DNAH5: variants seen among roughly 807,000 people sequenced by gnomAD.
DNAH5 encodes axonemal beta dynein heavy chain 5.
A neutral mutation model predicts 518.2 loss-of-function variants in DNAH5; 372 were observed. The ratio of observed to expected loss-of-function variants is 0.72; its 90% CI spans 0.66 to 0.78. DNAH5 has a LOEUF of 0.78. Among genes scored for constraint, DNAH5 ranks in the 30% least tolerant of loss-of-function variants. The pLI is 0.00. For synonymous variants in DNAH5, 2,039 were observed against 2,025.9 expected (o/e 1.01, Z -0.17); for missense variants, 5,523 against 5,687.0 (o/e 0.97, Z 0.93).
At chr5:13,802,177 C>A (rs1004701466) in intron 47 of DNAH5, among the ~76,000 whole-genome samples, 4 of 152,128 alleles carry the variant, frequency 2.6e-5, no homozygotes, top group African/African-American at 9.7e-5. Context: ...GTCAGCATGA[C>A]AGCATCTTAT....
At chr5:13,759,013 T>C (rs756969327) in intron 60 of DNAH5, 30 bp from the exon 61 acceptor site, 11 of 1,613,660 alleles carry the variant, frequency 6.8e-6, no homozygotes, top group Admixed American at 1.7e-5. Flanking sequence ...AGTGAAGAGA[T>C]GGGCAGCCAA....
intron 31 of DNAH5, 120 bp downstream of exon 31, chr5:13,850,532 C>T: frequency 1.2e-6 from 1 of 801,794 alleles, no homozygotes; most frequent in Non-Finnish European, 2.1e-6. Flanking sequence ...ATCTGTGCAA[C>T]AGCTTTATAT....
Position 13,716,658 on chromosome 5 carries a change from T to G in DNAH5, c.12738A>C (p.Ile4246=), listed in dbSNP as rs763332586. The G allele has an allele frequency of 1.2e-6, 2 of 1,613,780 alleles. No homozygotes were observed. The highest frequency in any genetic ancestry group is 3.3e-5 in the Admixed American group (2 of 60,022). ...CTCTGCCTCCATATTGAATCTCTCC[T>G]ATCATGTAGCGGATGGTGGTCCAGG... The part of the protein sequence containing the change: ...GVSWTTIRYM[I]GEIQYGGRVT... Residue 4246 remains isoleucine, a synonymous_variant, in exon 74 of 79, where the codon ATA becomes ATC. Transcript: ENST00000265104.
In DNAH5 at chr5:13,911,390, A is replaced by T; in HGVS notation, c.1640T>A (p.Leu547His). 6.2e-7 allele frequency: 1 copy of T among 1,612,070 alleles called. No homozygotes were observed. ...YEEFCKQTND[L>H]HNELRKFMDV... is the part of the protein sequence containing the mutation. ...GAATTTTATTATACAACCTACATGA[A>T]GGTCATTAGTCTGCTTGCAAAACTC... is the stretch of plus-strand genomic sequence containing the variant. Residue 547 changes from leucine (L) to histidine (H), a missense_variant, in exon 12 of 79, where the codon CTT (leucine) becomes CAT (histidine). Transcript: ENST00000265104.
Position 13,825,460 on chromosome 5 carries a change from A to G in DNAH5, c.6445-1127T>C, listed in dbSNP as rs181888442. Among the ~76,000 whole-genome samples, 20 of 152,352 alleles carry G rather than the reference A, an allele frequency of 1.3e-4. No individual in the cohort carries two copies. In the East Asian group the frequency reaches 3.7e-3, roughly 28 times the overall value. ...GATAGCCAAGAGGTGGAAGCAACCC[A>G]AATGTCCATTGACAGACGAATGGAT... On this transcript the variant is annotated intron_variant, in intron 38 of 78. Coordinates refer to ENST00000265104, the MANE Select transcript of DNAH5 (RefSeq NM_001369.3).
Position 13,719,085 on chromosome 5 carries a change from A to C in DNAH5, c.12296T>G (p.Leu4099Arg). 1 of 1,614,096 alleles carries C rather than the reference A, an allele frequency of 6.2e-7. No individual in the cohort carries two copies. The highest frequency in any genetic ancestry group is 8.5e-7 in the Non-Finnish European group (1 of 1,179,976). ...ATCAAGTCCCAGATGGCAGTTCTGC[A>C]GAAGTGCCCATCCTCCCTGTCAATA... ...QTMANGGWAL[L>R]QNCHLGLDFM... The change falls in exon 72 of 79, where the codon CTG (leucine) becomes CGG (arginine). Residue 4099 changes from leucine to arginine, a missense_variant. By Grantham distance (102) the Leu-to-Arg change is moderately radical. Around this residue, in one of 3 missense-constraint regions of DNAH5, gnomAD observed 5,121 missense variants for 5,223.3 expected, o/e 0.98. Coordinates refer to ENST00000265104, the MANE Select transcript of DNAH5 (RefSeq NM_001369.3).
At position 13,870,902 on chromosome 5, in the gene DNAH5, A is replaced by G; in HGVS notation, c.3699T>C (p.Phe1233=). The G allele has an allele frequency of 6.2e-7, 1 of 1,613,832 alleles. No homozygotes were observed. The highest frequency in any genetic ancestry group is 2.2e-5 in the East Asian group (1 of 44,878). ...KKYRSEMENI[F]MLIEEFNKKL... ...TCTTATTGAATTCTTCAATAAGCAT[A>G]AAAATGTTTTCCATCTCACTCCGGT... is the stretch of plus-strand genomic sequence containing the variant. Residue 1233 remains phenylalanine, a synonymous_variant, in exon 24 of 79, where the codon TTT becomes TTC. Transcript: ENST00000265104.
rs147445110 is a variant in DNAH5, at chr5:13,920,606, T to C, written c.672A>G (p.Arg224=). The C allele has an allele frequency of 6.2e-6, 10 of 1,614,040 alleles. No individual in the cohort carries two copies. The African/African-American group carries it at 1.2e-4, about 19-fold the overall frequency. The change falls in exon 6 of 79, where the codon CGA becomes CGG. Residue 224 remains arginine, a synonymous_variant. Transcript: ENST00000265104. The part of the protein sequence containing the change: ...QESLKEKVNL[R]KCDILELKTL... ...TTTTCAGTTCAAGTATGTCACACTT[T>C]CGAAGGTTCACCTAATTAGAATGAA...
chr5:13,821,068 TA>T (rs1762182462), intron 40 of DNAH5, among the ~76,000 whole-genome samples: 1 of 152,162 alleles, frequency 6.6e-6, no homozygotes, highest in African/African-American at 2.4e-5. Context: ...ATTTTTACCA[TA>T]ATAAAAAATA....
rs961853464 is a variant in DNAH5 at position 13,990,144 on chromosome 5, A to T, written c.12+21504T>A. Reference sequence around the variant, plus strand: ...ACATGAGAAAAAGTAAATTAAAAGCATAAAGAAAAAGCAAGGAAGGAAGGA... The same window carrying T: ...ACATGAGAAAAAGTAAATTAAAAGCTTAAAGAAAAAGCAAGGAAGGAAGGA... On this transcript the variant is annotated intron_variant, in intron 1 of 78. Transcript: ENST00000681290. Among the ~76,000 whole-genome samples, 3 of 152,190 alleles carry T rather than the reference A, an allele frequency of 2.0e-5. 1 individual carries two copies. The highest frequency in any genetic ancestry group is 4.1e-4 in the South Asian group (2 of 4,828).
chr5:13,860,087 CTCTT>C (rs1158717852), intron 29 of DNAH5, among the ~76,000 whole-genome samples: 1 of 152,090 alleles, frequency 6.6e-6, no homozygotes, highest in Non-Finnish European at 1.5e-5. Context: ...TTTTCTGAGT[CTCTT>C]TCTAACTTCC....
Position 13,931,174 on chromosome 5 carries a change from A to G in DNAH5, c.128T>C (p.Ile43Thr), listed in dbSNP as rs767228474. The G allele has an allele frequency of 1.4e-5, 22 of 1,614,130 alleles. No homozygotes were observed. Among genetic ancestry groups the G allele is most frequent in the East Asian group, 2.2e-5 (1 of 44,878 alleles). The change falls in exon 2 of 79, where the codon ATT (isoleucine) becomes ACT (threonine). Residue 43 changes from isoleucine (I) to threonine (T), a missense_variant. Physicochemically the swap from Ile to Thr is moderately conservative, Grantham distance 89. This residue lies in a region of DNAH5 where 5,121 missense variants were observed against 5,223.3 expected (regional missense o/e 0.98). Transcript: ENST00000265104. ...GTTCAGGTCCAAACAGGAAGCCACAATTGCAAATAAGTAGTTATGCCTCGC... is the reference window on the plus strand; with the variant it reads ...GTTCAGGTCCAAACAGGAAGCCACAGTTGCAAATAAGTAGTTATGCCTCGC... Reference protein sequence around the residue: ...LDARHNYLFAIVASCLDLNKT... With the variant: ...LDARHNYLFATVASCLDLNKT...
intron 62 of DNAH5, 53 bp downstream of exon 62, chr5:13,754,150 G>T (rs1479737330): frequency 1.2e-6 from 2 of 1,606,402 alleles, no homozygotes; most frequent in African/African-American, 1.3e-5. Context: ...ATAAGCTTTC[G>T]AATTCCCTAT....
At chr5:14,000,017 A>C (rs760590840) in intron 1 of DNAH5, among the ~76,000 whole-genome samples, 3 of 152,268 alleles carry the variant, frequency 2.0e-5, no homozygotes, top group Non-Finnish European at 4.4e-5. Context: ...TTCATGCATC[A>C]TAATACTGTT....
Position 13,999,084 on chromosome 5 carries a change from C to A in DNAH5, c.12+12564G>T, listed in dbSNP as rs557879531. On this transcript the variant is annotated intron_variant, in intron 1 of 78. Transcript: ENST00000681290. ...ACGGGGTTTAGTAATGTTGGCCAGA[C>A]TGGTCTCAAGCTCCTGACCTTAAGT... 4.6e-5 allele frequency among the ~76,000 whole-genome samples: 7 copies of A among 152,356 alleles called. No homozygotes were observed. The South Asian group carries it at 1.0e-3, about 23-fold the overall frequency.
intron 29 of DNAH5, among the ~76,000 whole-genome samples, chr5:13,861,816 G>A (rs1389688843): frequency 6.6e-6 from 1 of 151,930 alleles, no homozygotes; most frequent in Non-Finnish European, 1.5e-5. Context: ...AATTAGCCAG[G>A]CGTGGTGGCT....
intron 1 of DNAH5, among the ~76,000 whole-genome samples, chr5:13,962,094 A>T (rs1347297884): frequency 6.6e-6 from 1 of 152,150 alleles, no homozygotes; most frequent in Non-Finnish European, 1.5e-5. Flanking sequence ...ATATGCATAT[A>T]CCCATGAAAC....
At chr5:13,986,109 G>C (rs1783037498) in intron 1 of DNAH5, among the ~76,000 whole-genome samples, 1 of 152,216 alleles carries the variant, frequency 6.6e-6, no homozygotes, top group African/African-American at 2.4e-5. Flanking sequence ...GACATCCCCA[G>C]TAAGTGCAAA....
chr5:13,958,334 T>G (rs10050676), intron 1 of DNAH5, among the ~76,000 whole-genome samples: 110,840 of 152,034 alleles, frequency 0.73, 42,261 homozygotes, highest in East Asian at 0.9. Flanking sequence ...GTTGCTGTTA[T>G]CTTCTTGCAA....
Sources: gnomAD v4.1 joint callset for allele counts (sites outside exome capture counted in the v4.1 genomes callset) on GRCh38, gnomAD v4.1.1 for gene constraint, gnomAD v4.1.1 regional missense constraint, MANE v1.5 for transcripts, NCBI Gene and HGNC (gene_info 2026-07-23, HGNC 2026-07-21) for gene names.